Variants in IGHMBP2 observed in about 807,000 individuals in gnomAD.
The protein encoded by IGHMBP2 is immunoglobulin mu DNA binding protein 2.
In IGHMBP2, 81 loss-of-function variants were observed where a neutral mutation model predicts 96.0. That is an observed-to-expected ratio of 0.84 (90% CI 0.71 to 1.01). The LOEUF is 1.01. IGHMBP2 is among the 50% of genes least tolerant of loss of function. The pLI, the probability that IGHMBP2 is intolerant of heterozygous loss-of-function variation, is 0.00. For missense variants in IGHMBP2, 1,227 were observed against 1,306.3 expected (o/e 0.94, Z 0.94); for synonymous variants, 557 against 548.9 (o/e 1.01, Z -0.21).
At chr11:68,927,676 T>G (rs553875) in intron 7 of IGHMBP2, among the ~76,000 whole-genome samples, 35,317 of 152,246 alleles carry the variant, frequency 0.23, 5,184 homozygotes, top group South Asian at 0.45. Context: ...AACTGTGATG[T>G]TCAACAATTA....
intron 4 of IGHMBP2, among the ~76,000 whole-genome samples, chr11:68,909,094 C>T (rs1858319787): frequency 6.7e-6 from 1 of 149,942 alleles, no homozygotes; most frequent in Non-Finnish European, 1.5e-5. Context: ...CCGCCTTGGC[C>T]TCCCAAAGTG....
chr11:68,936,137 G>C, intron 12 of IGHMBP2, 100 bp from the exon 13 acceptor site: 1 of 1,388,914 alleles, frequency 7.2e-7, no homozygotes, highest in Non-Finnish European at 1.0e-6. Flanking sequence ...CCACGCGCAG[G>C]GGACTACACT....
intron 10 of IGHMBP2, 35 bp from the exon 11 acceptor site, chr11:68,934,429 C>A (rs1484706920): frequency 3.9e-6 from 6 of 1,522,992 alleles, no homozygotes; most frequent in Middle Eastern, 1.7e-4. Flanking sequence ...TTGGGGCGAC[C>A]TTGTGCTGCT....
intron 2 of IGHMBP2, among the ~76,000 whole-genome samples, chr11:68,906,850 C>G (rs950892323): frequency 6.6e-6 from 1 of 152,030 alleles, no homozygotes; most frequent in Non-Finnish European, 1.5e-5. Context: ...CCATGTTGTT[C>G]AGGCTGGTCT....
Position 68,933,863 on chromosome 11 carries a change from G to T in IGHMBP2, c.1487G>T (p.Cys496Phe), listed in dbSNP as rs969466642. ...VPLLLVDTAG[C>F]GLFELEEEDE... ...CTGCTCTTGGTGGACACCGCCGGCTGCGGGCTGTTTGAGCTGGAGGAGGAG... is the reference window on the plus strand; with the variant it reads ...CTGCTCTTGGTGGACACCGCCGGCTTCGGGCTGTTTGAGCTGGAGGAGGAG... Residue 496 changes from cysteine (C) to phenylalanine (F), a missense_variant, in exon 10 of 15, where the codon TGC becomes TTC. By Grantham distance (205) the Cys-to-Phe change is radical. Coordinates refer to ENST00000255078, the MANE Select transcript of IGHMBP2 (RefSeq NM_002180.3). The T allele has an allele frequency of 3.7e-6, 6 of 1,606,826 alleles. No individual in the cohort carries two copies. In the African/African-American group the frequency reaches 6.7e-5, roughly 18 times the overall value.
In IGHMBP2 at chr11:68,939,865, G is replaced by A. The variant is rs1859689998; in HGVS notation, c.*134G>A. 1 of 970,978 alleles carries A rather than the reference G, an allele frequency of 1.0e-6. No individual in the cohort carries two copies. Among genetic ancestry groups the A allele is most frequent in the Non-Finnish European group, 1.5e-6 (1 of 661,116 alleles). 60.1% of individuals were successfully genotyped at this position (970,978 alleles called of 1,614,324 possible). A position where few individuals can be genotyped will look rare whatever the true frequency, so the allele number is the denominator to read the frequency against. Reference sequence around the variant, plus strand: ...GGGGAGGAGCGGAGGGCCCTGTTGGGGAAGGTTGGGTTTTTGGACCCCAGG... The same window carrying A: ...GGGGAGGAGCGGAGGGCCCTGTTGGAGAAGGTTGGGTTTTTGGACCCCAGG... On this transcript the variant is annotated 3_prime_UTR_variant, in exon 15 of 15. Transcript: ENST00000255078.
At chr11:68,923,031 C>G (rs1566435728) in intron 7 of IGHMBP2, among the ~76,000 whole-genome samples, 1 of 152,110 alleles carries the variant, frequency 6.6e-6, no homozygotes, top group Non-Finnish European at 1.5e-5. Flanking sequence ...ATTTCTCTAT[C>G]ACCTGTGTCA....
At chr11:68,928,025 G>A (rs1278030540) in intron 7 of IGHMBP2, among the ~76,000 whole-genome samples, 1 of 152,216 alleles carries the variant, frequency 6.6e-6, no homozygotes, top group Non-Finnish European at 1.5e-5. Context: ...CCTTTGGCGA[G>A]TTTCCAGAGT....
Position 68,939,806 on chromosome 11 carries a change from C to T in IGHMBP2, c.*75C>T. ...GGCGCTGGCAGACCATGCTCCGCCT[C>T]CACCAGGGCCACAGAGGAGCGGAGG... is the stretch of plus-strand genomic sequence containing the variant. On this transcript the variant is annotated 3_prime_UTR_variant, in exon 15 of 15. Transcript: ENST00000255078. 1.4e-6 allele frequency: 2 copies of T among 1,452,468 alleles called. No homozygotes were observed. The highest frequency in any genetic ancestry group is 1.9e-6 in the Non-Finnish European group (2 of 1,063,540). The allele number at this position is 1,452,468 out of a possible 1,614,324, so 90.0% of individuals were successfully genotyped here. A position where few individuals can be genotyped will look rare whatever the true frequency, so the allele number is the denominator to read the frequency against.
intron 14 of IGHMBP2, among the ~76,000 whole-genome samples, chr11:68,938,778 G>A (rs1366651472): frequency 1.3e-5 from 2 of 152,178 alleles, no homozygotes; most frequent in African/African-American, 4.8e-5. Context: ...GGGCGCCTGT[G>A]GAAAGCCGAG....
At chr11:68,921,865 G>A (rs1858891197) in intron 7 of IGHMBP2, among the ~76,000 whole-genome samples, 1 of 152,162 alleles carries the variant, frequency 6.6e-6, no homozygotes, top group African/African-American at 2.4e-5. Context: ...TGTTTCACCT[G>A]CAGTTTTGAA....
At chr11:68,919,187 C>CTCCCCG (rs11282962) in intron 7 of IGHMBP2, among the ~76,000 whole-genome samples, 33,627 of 146,888 alleles carry the variant, frequency 0.23, 4,581 homozygotes, top group South Asian at 0.43. Flanking sequence ...CTCCCCTCCC[C>CTCCCCG]TCCCCGTCCC....
intron 6 of IGHMBP2, among the ~76,000 whole-genome samples, chr11:68,916,573 G>A (rs2154007377): frequency 6.6e-6 from 1 of 151,836 alleles, no homozygotes; most frequent in Middle Eastern, 3.4e-3. Context: ...TTGCTCTAAT[G>A]TCTGTGCTCA....
intron 8 of IGHMBP2, among the ~76,000 whole-genome samples, chr11:68,931,941 T>C (rs974370575): frequency 8.7e-5 from 13 of 149,388 alleles, no homozygotes; most frequent in Admixed American, 8.0e-4. Context: ...GGGAAGACGT[T>C]GGGTGGCGTT....
intron 8 of IGHMBP2, chr11:68,930,503 G>A (rs1415813544): frequency 7.9e-7 from 1 of 1,270,168 alleles, no homozygotes; most frequent in Non-Finnish European, 1.0e-6. Context: ...TGGAAATAAA[G>A]ATGGTGGAAG....
intron 14 of IGHMBP2, among the ~76,000 whole-genome samples, chr11:68,938,660 G>A (rs969060699): frequency 3.9e-5 from 6 of 152,182 alleles, no homozygotes; most frequent in African/African-American, 1.4e-4. Flanking sequence ...TGGCATAGGG[G>A]AGGTGGGAGG....
chr11:68,936,463 C>G lies in IGHMBP2; in HGVS notation c.1983C>G (p.His661Gln). The G allele has an allele frequency of 6.2e-7, 1 of 1,613,936 alleles. No homozygotes were observed. Among genetic ancestry groups the G allele is most frequent in the Non-Finnish European group, 8.5e-7 (1 of 1,179,994 alleles). Residue 661 changes from histidine (H) to glutamine (Q), a missense_variant, in exon 13 of 15, where the codon CAC (histidine) becomes CAG (glutamine). His to Gln is a conservative substitution (Grantham distance 24). This residue lies in a region of IGHMBP2 where 703 missense variants were observed against 770.3 expected (regional missense o/e 0.91). Coordinates refer to ENST00000255078, the MANE Select transcript of IGHMBP2 (RefSeq NM_002180.3). Reference sequence around the variant, plus strand: ...ATGAGAACTCCCAGGGTTCCAGCCACGCTGCCACCAAGCCCCAGGGACCTG... The same window carrying G: ...ATGAGAACTCCCAGGGTTCCAGCCAGGCTGCCACCAAGCCCCAGGGACCTG... The part of the protein sequence containing the change: ...YSHENSQGSS[H>Q]AATKPQGPAT...
intron 2 of IGHMBP2, 139 bp downstream of exon 2, chr11:68,906,377 C>A: frequency 1.1e-6 from 1 of 945,420 alleles, no homozygotes; most frequent in Non-Finnish European, 1.7e-6. Flanking sequence ...AGAAGTCCAA[C>A]AATTGATGTG....
rs71043469 is a variant in IGHMBP2, at chr11:68,913,043, C to CAAAAA, written c.711+1461_711+1465dup. 3.9e-3 allele frequency among the ~76,000 whole-genome samples: 147 copies of CAAAAA among 37,462 alleles called. 5 individuals carry two copies. The highest frequency in any genetic ancestry group is 0.016 in the African/African-American group (133 of 8,342). The allele number at this position is 37,462 out of a possible 152,430, so 24.6% of individuals were successfully genotyped here. ...GGCAATAAGAGCAAAACTCCATCTC[C>CAAAAA]AAAAAAAAAAAAAAAAAAAAAAAAA... On this transcript the variant is annotated intron_variant, in intron 5 of 14. Coordinates refer to ENST00000255078, the MANE Select transcript of IGHMBP2 (RefSeq NM_002180.3).
Sources: allele counts gnomAD v4.1 joint callset (sites outside exome capture counted in the v4.1 genomes callset), GRCh38; gene constraint gnomAD v4.1.1; regional missense constraint gnomAD v4.1.1; transcripts MANE v1.5; gene names NCBI Gene and HGNC (gene_info 2026-07-23, HGNC 2026-07-21).